The following FRMD4B variants were observed in gnomAD, a reference collection of about 807,000 sequenced individuals.
FRMD4B encodes the protein FERM domain-containing protein 4B.
FRMD4B carries 74 observed loss-of-function variants against 141.5 expected under a neutral mutation model. The observed-to-expected ratio is 0.52, with a 90% confidence interval of 0.43 to 0.63. FRMD4B has a LOEUF of 0.63. Ranked by LOEUF, FRMD4B falls within the 30% of genes least tolerant of loss-of-function variation. The pLI is 0.00. For synonymous variants in FRMD4B, 506 were observed against 467.9 expected (o/e 1.08, Z -1.05); for missense variants, 1,366 against 1,253.4 (o/e 1.09, Z -1.36).
chr3:69,178,207 C>T (rs2092669249), intron 21 of FRMD4B, among the ~76,000 whole-genome samples: 1 of 151,966 alleles, frequency 6.6e-6, no homozygotes, highest in Non-Finnish European at 1.5e-5. Flanking sequence ...AGACCTACTC[C>T]TCTTCTCTCT....
chr3:69,230,247 A>T (rs2093294777), intron 7 of FRMD4B, among the ~76,000 whole-genome samples: 1 of 152,094 alleles, frequency 6.6e-6, no homozygotes, highest in Non-Finnish European at 1.5e-5. Context: ...AAGTGCTGGG[A>T]TTACAGGCAT....
rs181002806 is a variant in FRMD4B at position 69,272,806 on chromosome 3, C to T, written c.501+14946G>A. On this transcript the variant is annotated intron_variant, in intron 5 of 22. Coordinates refer to ENST00000398540, the MANE Select transcript of FRMD4B (RefSeq NM_015123.3). Reference sequence around the variant, plus strand: ...CTTCATGTTCTGTTCAGTTAAATTGCACTGAGACTAATCCTCTTATCTCAA... The same window carrying T: ...CTTCATGTTCTGTTCAGTTAAATTGTACTGAGACTAATCCTCTTATCTCAA... Among the ~76,000 whole-genome samples the T allele has an allele frequency of 1.1e-4, 16 of 152,240 alleles. No homozygotes were observed. In the East Asian group the frequency reaches 2.1e-3, roughly 20 times the overall value.
intron 5 of FRMD4B, among the ~76,000 whole-genome samples, chr3:69,261,412 C>T (rs1456150359): frequency 6.6e-6 from 1 of 152,188 alleles, no homozygotes; most frequent in Non-Finnish European, 1.5e-5. Flanking sequence ...ATTATGACTG[C>T]TTTTAGTGTA....
At chr3:69,521,607 C>T (rs1700856990) in intron 1 of FRMD4B, among the ~76,000 whole-genome samples, 1 of 152,212 alleles carries the variant, frequency 6.6e-6, no homozygotes, top group Non-Finnish European at 1.5e-5. Context: ...AATACAAATG[C>T]TCAACCATGG....
At chr3:69,210,306 C>A (rs1434294675) in intron 11 of FRMD4B, among the ~76,000 whole-genome samples, 1 of 152,226 alleles carries the variant, frequency 6.6e-6, no homozygotes, top group East Asian at 1.9e-4. Flanking sequence ...TCTGTCATGA[C>A]ATAGACTAAT....
At chr3:69,488,030 A>G (rs1175126730) in intron 1 of FRMD4B, among the ~76,000 whole-genome samples, 1 of 152,186 alleles carries the variant, frequency 6.6e-6, no homozygotes, top group Non-Finnish European at 1.5e-5. Context: ...GGAAAAGGGA[A>G]AGAAAAAGAA....
At chr3:69,316,373 A>G (rs1701803302) in intron 1 of FRMD4B, among the ~76,000 whole-genome samples, 1 of 152,218 alleles carries the variant, frequency 6.6e-6, no homozygotes, top group South Asian at 2.1e-4. Context: ...AAAGCTCTGC[A>G]AAAGTTTACA....
At chr3:69,306,125 G>A (rs1179311093) in intron 3 of FRMD4B, among the ~76,000 whole-genome samples, 2 of 152,096 alleles carry the variant, frequency 1.3e-5, no homozygotes, top group Non-Finnish European at 2.9e-5. Context: ...CTCATCAATA[G>A]GAAAAAGTCT....
chr3:69,472,497 GC>G (rs1379497063), intron 1 of FRMD4B: 1 of 323,836 alleles, frequency 3.1e-6, no homozygotes, highest in Non-Finnish European at 6.2e-6. Flanking sequence ...TTCTTTCAAA[GC>G]TTTGGATTCC....
intron 1 of FRMD4B, among the ~76,000 whole-genome samples, chr3:69,336,931 G>A (rs912006511): frequency 2.6e-5 from 4 of 152,190 alleles, no homozygotes; most frequent in Non-Finnish European, 5.9e-5. Flanking sequence ...GCATCAGAGT[G>A]AGACTCTGTC....
Position 69,193,703 on chromosome 3 carries a change from G to A in FRMD4B, c.1659C>T (p.Asn553=), listed in dbSNP as rs757588162. 1.2e-5 allele frequency: 20 copies of A among 1,612,998 alleles called. No homozygotes were observed. In the Admixed American group the frequency reaches 1.3e-4, roughly 11 times the overall value. The change falls in exon 17 of 23, where the codon AAC becomes AAT. Residue 553 remains asparagine (N), a synonymous_variant. Transcript: ENST00000398540. ...TCTTTCCACACCTAATTCGGTATTC[G>A]TTTATTGCATTTTCAATCTCCTGAA... ...KKLQEIENAI[N]EYRIRCGKKP...
intron 1 of FRMD4B, among the ~76,000 whole-genome samples, chr3:69,321,972 T>C (rs9883393): frequency 0.018 from 2,756 of 152,302 alleles, 99 homozygotes; most frequent in African/African-American, 0.063. Flanking sequence ...CTTCCCAAAG[T>C]GCTGGGATTA....
chr3:69,195,595 G>A (rs1018453886), intron 14 of FRMD4B, among the ~76,000 whole-genome samples: 1 of 152,040 alleles, frequency 6.6e-6, no homozygotes. Flanking sequence ...GTCATTTTGG[G>A]GGTAATGATA....
At chr3:69,438,135 G>A (rs1029014187) in intron 1 of FRMD4B, among the ~76,000 whole-genome samples, 6 of 148,968 alleles carry the variant, frequency 4.0e-5, no homozygotes, top group Admixed American at 6.8e-5. Flanking sequence ...ATAGGGTCTC[G>A]CCCTGTCACC....
intron 1 of FRMD4B, among the ~76,000 whole-genome samples, chr3:69,521,544 T>A (rs181678721): frequency 3.9e-5 from 6 of 152,216 alleles, no homozygotes; most frequent in African/African-American, 1.4e-4. Context: ...AGTCAAATCA[T>A]GTCCCCTCTC....
chr3:69,245,351 G>GTTTTT (rs764318446), intron 7 of FRMD4B, among the ~76,000 whole-genome samples: 5 of 139,622 alleles, frequency 3.6e-5, no homozygotes, highest in African/African-American at 1.5e-4. Context: ...GTGTGTGTGT[G>GTTTTT]TGTTTTTAGA....
chr3:69,295,980 C>A (rs540065313), intron 4 of FRMD4B, among the ~76,000 whole-genome samples: 10 of 152,200 alleles, frequency 6.6e-5, no homozygotes, highest in African/African-American at 2.2e-4. Flanking sequence ...CCACACCTGG[C>A]TAATTTTTGT....
chr3:69,399,466 T>C (rs1161484566), intron 2 of FRMD4B, among the ~76,000 whole-genome samples: 1 of 152,214 alleles, frequency 6.6e-6, no homozygotes, highest in African/African-American at 2.4e-5. Flanking sequence ...TCTCAACTTG[T>C]TCAGAGAAAA....
chr3:69,302,577 C>T, intron 3 of FRMD4B, 142 bp from the exon 4 acceptor site: 1 of 604,458 alleles, frequency 1.7e-6, no homozygotes, highest in Non-Finnish European at 3.0e-6. Flanking sequence ...GGTAATGAGA[C>T]CAACTCAGCA....
Sources: allele counts gnomAD v4.1 joint callset (sites outside exome capture counted in the v4.1 genomes callset), GRCh38; gene constraint gnomAD v4.1.1; transcripts MANE v1.5; gene names NCBI Gene and HGNC (gene_info 2026-07-23, HGNC 2026-07-21).